The following TENM1 variants were observed in gnomAD, a reference collection of about 807,000 sequenced individuals.
TENM1 encodes the protein teneurin transmembrane protein 1.
TENM1 carries 35 observed loss-of-function variants against 174.8 expected under a neutral mutation model. The ratio of observed to expected loss-of-function variants is 0.20; its 90% CI spans 0.15 to 0.27. The LOEUF is 0.27. Ranked by LOEUF, TENM1 falls within the 10% of genes least tolerant of loss-of-function variation. TENM1 has a pLI of 1.00. For missense variants in TENM1, 1,633 were observed against 2,130.1 expected, an observed-to-expected ratio of 0.77 and a Z score of 4.59; for synonymous variants, 781 against 798.7, an observed-to-expected ratio of 0.98 and a Z score of 0.37.
intron 5 of TENM1, among the ~76,000 whole-genome samples, chrX:124,690,140 G>A (rs2052479342): frequency 9.0e-6 from 1 of 111,656 alleles, no homozygotes; most frequent in South Asian, 3.8e-4. Flanking sequence ...TTGTTGTTCA[G>A]TGTATAATCA....
At chrX:124,383,416 G>A (rs746269447) in intron 30 of TENM1, among the ~76,000 whole-genome samples, 1 of 111,971 alleles carries the variant, frequency 8.9e-6, no homozygotes, top group East Asian at 2.8e-4. Context: ...GTAAAACACA[G>A]AAACAGCTAA....
At chrX:125,114,175 G>A in the TENM1 span, among the ~76,000 whole-genome samples, 1 of 111,422 alleles carries the variant, frequency 9.0e-6, no homozygotes, top group African/African-American at 3.3e-5. Flanking sequence ...GATAAATAAC[G>A]AAATTAAGGC....
At chrX:125,184,379 T>C in the TENM1 span, among the ~76,000 whole-genome samples, 2 of 112,166 alleles carry the variant, frequency 1.8e-5, no homozygotes, top group Admixed American at 1.9e-4. Context: ...CTCGACTTAC[T>C]TTTTAAGTAA....
intron 11 of TENM1, among the ~76,000 whole-genome samples, chrX:124,589,187 T>C (rs2049659619): frequency 9.1e-6 from 1 of 110,218 alleles, no homozygotes; most frequent in Admixed American, 9.7e-5. Flanking sequence ...GTTTTTAAGA[T>C]GAATCACATC....
chrX:124,420,351 C>A, exon 25 of TENM1: 1 of 1,205,371 alleles, frequency 8.3e-7, no homozygotes. Flanking sequence ...CTTTTGGTAG[C>A]CAGAAGCCCT....
chrX:125,140,583 T>C, the TENM1 span, among the ~76,000 whole-genome samples: 1 of 111,725 alleles, frequency 9.0e-6, no homozygotes, highest in Non-Finnish European at 1.9e-5. Context: ...TATTTCAAAA[T>C]AGCTAGGAGA....
the TENM1 span, among the ~76,000 whole-genome samples, chrX:125,023,370 A>T: frequency 3.6e-5 from 4 of 111,367 alleles, no homozygotes; most frequent in Admixed American, 1.9e-4. Flanking sequence ...CTCCCCAGTC[A>T]TGCAGAACTG....
the TENM1 span, among the ~76,000 whole-genome samples, chrX:125,033,894 T>C: frequency 2.6e-4 from 29 of 112,105 alleles, no homozygotes; most frequent in Non-Finnish European, 4.5e-4. Context: ...ATGACATATT[T>C]TTATTACACA....
At chrX:124,993,918 T>C in the TENM1 span, among the ~76,000 whole-genome samples, 2 of 110,958 alleles carry the variant, frequency 1.8e-5, no homozygotes, top group African/African-American at 3.3e-5. Flanking sequence ...AAGACAGTGA[T>C]AGTGGCAACA....
chrX:124,471,503 T>G (rs1310114816), intron 22 of TENM1, among the ~76,000 whole-genome samples: 1 of 69,968 alleles, frequency 1.4e-5, no homozygotes, highest in Non-Finnish European at 2.4e-5. Flanking sequence ...TTATATAATA[T>G]ATAATATATA....
the TENM1 span, among the ~76,000 whole-genome samples, chrX:125,087,297 A>G: frequency 9.0e-6 from 1 of 111,133 alleles, no homozygotes; most frequent in African/African-American, 3.2e-5. Flanking sequence ...TATTTTATAT[A>G]CAAAATATAT....
intron 11 of TENM1, among the ~76,000 whole-genome samples, chrX:124,623,354 G>A (rs150433574): frequency 8.9e-6 from 1 of 111,742 alleles, no homozygotes; most frequent in Admixed American, 9.5e-5. Context: ...GTGTGCATGA[G>A]TGTGTTTGGG....
intron 3 of TENM1, among the ~76,000 whole-genome samples, chrX:124,775,371 G>A (rs1473873551): frequency 9.2e-6 from 1 of 108,919 alleles, no homozygotes; most frequent in Non-Finnish European, 1.9e-5. Context: ...AACCTCTTTT[G>A]CATTGCTAAC....
chrX:124,941,674 C>T (rs778289853), intron 1 of TENM1, among the ~76,000 whole-genome samples: 1 of 112,000 alleles, frequency 8.9e-6, no homozygotes, highest in African/African-American at 3.2e-5. Context: ...TATTTTTCCC[C>T]CTAAAACTCT....
the TENM1 span, among the ~76,000 whole-genome samples, chrX:125,173,586 C>A: frequency 3.6e-5 from 4 of 111,314 alleles, no homozygotes; most frequent in African/African-American, 9.8e-5. Context: ...CCTGATTGTC[C>A]TTTTAAAGCA....
chrX:124,908,568 C>T (rs1342685644), intron 1 of TENM1, among the ~76,000 whole-genome samples: 1 of 110,866 alleles, frequency 9.0e-6, no homozygotes, highest in African/African-American at 3.3e-5. Context: ...TATCCAGTGC[C>T]CATCACTGAT....
intron 3 of TENM1, among the ~76,000 whole-genome samples, chrX:124,786,732 C>T (rs780399513): frequency 9.0e-6 from 1 of 111,173 alleles, no homozygotes; most frequent in Non-Finnish European, 1.9e-5. Context: ...TATGGTTCAA[C>T]AATTTGTTAG....
intron 3 of TENM1, among the ~76,000 whole-genome samples, chrX:124,856,304 T>A (rs1300091814): frequency 9.0e-6 from 1 of 110,844 alleles, no homozygotes; most frequent in Non-Finnish European, 1.9e-5. Context: ...AAGGCATCCT[T>A]TAAAATACAG....
chrX:124,481,757 C>T (rs751675426), exon 22 of TENM1: 35 of 1,150,595 alleles, frequency 3.0e-5, no homozygotes, highest in Middle Eastern at 2.4e-4. Context: ...GTGAAGCTTC[C>T]GATGCTCTCC....
Sources: gnomAD v4.1 joint callset for allele counts (sites outside exome capture counted in the v4.1 genomes callset) on GRCh38, gnomAD v4.1.1 for gene constraint, MANE v1.5 for transcripts, NCBI Gene and HGNC (gene_info 2026-07-23, HGNC 2026-07-21) for gene names.